RLIG1: variants seen among roughly 807,000 people sequenced by gnomAD.
RLIG1 encodes the protein RNA ligase 1.
At chr12:88,048,629 TAATAGTA>T in the RLIG1 span, 2 of 360,504 alleles carry the variant, frequency 5.5e-6, no homozygotes, top group East Asian at 1.0e-4. Flanking sequence ...AAAACATAAG[TAATAGTA>T]AGCTCCTAAG....
chr12:88,047,894 G>A, the RLIG1 span, among the ~76,000 whole-genome samples: 2 of 152,010 alleles, frequency 1.3e-5, no homozygotes. Flanking sequence ...ATGCCTCCTT[G>A]CCCACATTTT....
At chr12:88,049,615 T>C in the RLIG1 span, 1 of 442,320 alleles carries the variant, frequency 2.3e-6, no homozygotes, top group Non-Finnish European at 4.0e-6. Context: ...AGTCCAGTTA[T>C]GTATTCTGTA....
chr12:88,038,597 G>A, the RLIG1 span, among the ~76,000 whole-genome samples: 1 of 152,162 alleles, frequency 6.6e-6, no homozygotes, highest in African/African-American at 2.4e-5. Flanking sequence ...ATTTAAGTTT[G>A]TAGTACTGTC....
At chr12:88,046,543 A>C in the RLIG1 span, among the ~76,000 whole-genome samples, 2 of 49,310 alleles carry the variant, frequency 4.1e-5, no homozygotes, top group Admixed American at 2.8e-4. Flanking sequence ...TGTTCATGGA[A>C]AACTATTTAC....
chr12:88,049,185 T>C, the RLIG1 span: 1 of 1,568,544 alleles, frequency 6.4e-7, no homozygotes, highest in Non-Finnish European at 8.7e-7. Context: ...AGGTGACCTT[T>C]AGTAAATGGG....
the RLIG1 span, chr12:88,040,138 T>C: frequency 2.0e-6 from 3 of 1,530,746 alleles, no homozygotes; most frequent in South Asian, 1.1e-5. Flanking sequence ...TCTCTCTCTC[T>C]TTTTTTAAGC....
the RLIG1 span, among the ~76,000 whole-genome samples, chr12:88,038,814 A>G: frequency 2.6e-5 from 4 of 152,238 alleles, no homozygotes; most frequent in African/African-American, 9.6e-5. Context: ...TTAGACAGAG[A>G]TGCAAGCTCT....
the RLIG1 span, chr12:88,042,786 G>A: frequency 1.5e-6 from 2 of 1,304,038 alleles, no homozygotes; most frequent in African/African-American, 3.1e-5. Context: ...GATAAGTTTT[G>A]TTTGCATCAT....
chr12:88,039,642 TC>T, the RLIG1 span, among the ~76,000 whole-genome samples: 1 of 152,140 alleles, frequency 6.6e-6, no homozygotes, highest in African/African-American at 2.4e-5. Context: ...TTCCACCGTA[TC>T]CAAAATAGCA....
chr12:88,040,088 G>C, the RLIG1 span: 1 of 832,402 alleles, frequency 1.2e-6, no homozygotes, highest in South Asian at 1.5e-5. Flanking sequence ...AGGTGAGCAT[G>C]TGTGCAAAGA....
At chr12:88,042,914 C>T in the RLIG1 span, 1 of 1,548,182 alleles carries the variant, frequency 6.5e-7, no homozygotes, top group Non-Finnish European at 8.7e-7. Context: ...AAAAGAAAAC[C>T]CAAAAGGTTA....
At chr12:88,043,706 C>T in the RLIG1 span, 1 of 1,606,594 alleles carries the variant, frequency 6.2e-7, no homozygotes, top group Non-Finnish European at 8.5e-7. Flanking sequence ...TGAAAATGGA[C>T]ACATTCCTGG....
At chr12:88,043,050 TTA>T in the RLIG1 span, 1 of 441,164 alleles carries the variant, frequency 2.3e-6, no homozygotes, top group Non-Finnish European at 4.0e-6. Context: ...TTGAATACTT[TTA>T]TATATAAAAG....
the RLIG1 span, among the ~76,000 whole-genome samples, chr12:88,039,810 G>A: frequency 6.6e-6 from 1 of 152,154 alleles, no homozygotes; most frequent in East Asian, 1.9e-4. Context: ...CAGTGCTGAA[G>A]ACAATGCTTA....
the RLIG1 span, among the ~76,000 whole-genome samples, chr12:88,036,977 G>T: frequency 1.4e-4 from 22 of 152,252 alleles, no homozygotes; most frequent in Middle Eastern, 6.8e-3. Flanking sequence ...AAAATAAGCA[G>T]CCCCTTCTCT....
the RLIG1 span, among the ~76,000 whole-genome samples, chr12:88,040,763 C>T: frequency 7.3e-5 from 11 of 150,422 alleles, no homozygotes; most frequent in African/African-American, 2.2e-4. Flanking sequence ...TAGAAATTGT[C>T]AGTCATTTTA....
the RLIG1 span, chr12:88,045,858 T>TA: frequency 1.8e-6 from 2 of 1,093,294 alleles, no homozygotes; most frequent in Non-Finnish European, 2.7e-6. Flanking sequence ...TTAAAAAACA[T>TA]ACACACACTA....
chr12:88,038,440 A>G, the RLIG1 span, among the ~76,000 whole-genome samples: 1 of 152,234 alleles, frequency 6.6e-6, no homozygotes, highest in Non-Finnish European at 1.5e-5. Flanking sequence ...ATCAGACTAC[A>G]TGGGGATGTC....
chr12:88,045,253 A>G, the RLIG1 span: 1 of 206,994 alleles, frequency 4.8e-6, no homozygotes, highest in South Asian at 8.7e-5. Context: ...GAGAAGGCAG[A>G]GAGAAAACTT....
Sources: allele counts gnomAD v4.1 joint callset (sites outside exome capture counted in the v4.1 genomes callset), GRCh38; gene constraint gnomAD v4.1.1; transcripts MANE v1.5; gene names NCBI Gene and HGNC (gene_info 2026-07-23, HGNC 2026-07-21).